Variants in ZKSCAN1 observed in about 807,000 individuals in gnomAD.
ZKSCAN1 encodes the protein zinc finger with KRAB and SCAN domains 1.
A neutral mutation model predicts 51.6 loss-of-function variants in ZKSCAN1; 14 were observed. The observed-to-expected ratio is 0.27, with a 90% CI of 0.18 to 0.42. The LOEUF (loss-of-function observed/expected upper bound fraction) is 0.42, where lower values mean the gene tolerates loss of function less well. ZKSCAN1 is among the 10% of genes least tolerant of loss of function. The probability of loss-of-function intolerance (pLI) is 1.00; values close to 1 mark genes in which losing one functional copy is unlikely to be tolerated. For missense variants in ZKSCAN1, 531 were observed against 710.0 expected (o/e 0.75, Z 2.86); for synonymous variants, 263 against 261.5 (o/e 1.01, Z -0.06).
intron 1 of ZKSCAN1, among the ~76,000 whole-genome samples, chr7:100,020,362 G>A (rs952079192): frequency 2.0e-5 from 3 of 152,266 alleles, no homozygotes. Context: ...AAAGAAGCTT[G>A]AGGGAAAATT....
At chr7:100,022,723 A>G (rs1405874864) in intron 1 of ZKSCAN1, among the ~76,000 whole-genome samples, 1 of 152,196 alleles carries the variant, frequency 6.6e-6, no homozygotes, top group Non-Finnish European at 1.5e-5. Context: ...TGTCATTTGT[A>G]AAACAGCACT....
Sources: allele counts gnomAD v4.1 joint callset (sites outside exome capture counted in the v4.1 genomes callset), GRCh38; gene constraint gnomAD v4.1.1; transcripts MANE v1.5; gene names NCBI Gene and HGNC (gene_info 2026-07-23, HGNC 2026-07-21).